The following VPS13C variants were observed in gnomAD, a reference collection of about 807,000 sequenced individuals.
The protein encoded by VPS13C is vacuolar protein sorting 13 homolog C, also known as intermembrane lipid transfer protein VPS13C.
In VPS13C, 358 loss-of-function variants were observed where a neutral mutation model predicts 456.8. The ratio of observed to expected loss-of-function variants is 0.78; its 90% confidence interval spans 0.72 to 0.86. The LOEUF (loss-of-function observed/expected upper bound fraction) is 0.86, where lower values mean the gene tolerates loss of function less well. Ranked by LOEUF, VPS13C falls within the 40% of genes least tolerant of loss-of-function variation. VPS13C has a pLI of 0.00. For synonymous variants in VPS13C, 1,578 were observed against 1,486.7 expected, an observed-to-expected ratio of 1.06 and a Z score of -1.41; for missense variants, 4,818 against 4,385.4, an observed-to-expected ratio of 1.10 and a Z score of -2.79.
intron 2 of VPS13C, among the ~76,000 whole-genome samples, chr15:62,042,544 G>A (rs1596524661): frequency 1.3e-5 from 2 of 151,544 alleles, no homozygotes; most frequent in South Asian, 2.1e-4. Flanking sequence ...AAAAGTCTTT[G>A]CTGCCAATAA....
At chr15:61,883,219 T>G (rs1383188684) in intron 68 of VPS13C, among the ~76,000 whole-genome samples, 1 of 146,942 alleles carries the variant, frequency 6.8e-6, no homozygotes, top group African/African-American at 2.5e-5. Flanking sequence ...TTTTTTTTTG[T>G]AGAGACAAGG....
intron 67 of VPS13C, among the ~76,000 whole-genome samples, chr15:61,884,938 T>C (rs1399518688): frequency 6.6e-6 from 1 of 152,148 alleles, no homozygotes; most frequent in Non-Finnish European, 1.5e-5. Flanking sequence ...CCTTTTAGTA[T>C]ATTAATACAT....
intron 5 of VPS13C, among the ~76,000 whole-genome samples, chr15:62,030,341 T>C (rs924345685): frequency 2.6e-5 from 4 of 152,066 alleles, no homozygotes; most frequent in Non-Finnish European, 5.9e-5. Context: ...TGATTCCCAG[T>C]GTTGGAGGTG....
rs560778934 is a variant in VPS13C at position 61,922,491 on chromosome 15, C to G, written c.6881G>C (p.Arg2294Pro). The part of the protein sequence containing the change: ...QVTLECGLGH[R>P]TVPLLLAESK... ...CTCTGCCAATAATAAAGGTACAGTT[C>G]GATGTCCAAGGCCACATTCTAAGGT... The change falls in exon 54 of 85, where the codon CGA (arginine) becomes CCA (proline). Residue 2294 changes from arginine to proline, a missense_variant. Around this residue, in one of 3 missense-constraint regions of VPS13C, gnomAD observed 4,552 missense variants for 4,130.6 expected, o/e 1.10. Coordinates refer to ENST00000644861, the MANE Select transcript of VPS13C (RefSeq NM_020821.3). The G allele has an allele frequency of 3.1e-6, 5 of 1,613,982 alleles. No homozygotes were observed. The highest frequency in any genetic ancestry group is 4.2e-6 in the Non-Finnish European group (5 of 1,179,960).
rs2043689917 is a variant in VPS13C, at chr15:61,922,444, T to C, written c.6928A>G (p.Lys2310Glu). The C allele has an allele frequency of 1.7e-5, 28 of 1,613,852 alleles. No homozygotes were observed. Among genetic ancestry groups the C allele is most frequent in the Non-Finnish European group, 2.3e-5 (27 of 1,179,904 alleles). ...GCAGCCATTAGAGAAGTCCAATTTT[T>C]AATATTTCCTGAAAACTTAGACTCT... Reference protein sequence around the residue: ...LAESKFSGNIKNWTSLMAAVA... With the variant: ...LAESKFSGNIENWTSLMAAVA... The change falls in exon 54 of 85, where the codon AAA becomes GAA. Residue 2310 changes from lysine (K) to glutamate (E), a missense_variant. Around this residue, in one of 3 missense-constraint regions of VPS13C, gnomAD observed 4,552 missense variants for 4,130.6 expected, o/e 1.10. Transcript: ENST00000644861.
At chr15:62,014,934 C>G (rs978702175) in intron 9 of VPS13C, among the ~76,000 whole-genome samples, 1 of 152,026 alleles carries the variant, frequency 6.6e-6, no homozygotes, top group Admixed American at 6.6e-5. Flanking sequence ...AGTAGAATCA[C>G]CAGGCAGAAA....
At chr15:62,046,357 AGC>A (rs2048402406) in intron 1 of VPS13C, among the ~76,000 whole-genome samples, 4 of 152,214 alleles carry the variant, frequency 2.6e-5, no homozygotes, top group Non-Finnish European at 5.9e-5. Context: ...ATGGAAGACT[AGC>A]ATGTTCAGCA....
chr15:61,980,287 T>A (rs954676299), intron 22 of VPS13C, among the ~76,000 whole-genome samples: 1 of 149,198 alleles, frequency 6.7e-6, no homozygotes, highest in Non-Finnish European at 1.5e-5. Flanking sequence ...ATGGTTACCA[T>A]GATGTCAAAA....
chr15:61,994,035 G>A lies in VPS13C; in HGVS notation c.1354-2233C>T, dbSNP rs572267770. ...CCTAAGATGAAGACGGATGCAGAGC[G>A]CTTTCCCTTTCCCTCAATTACCCCC... On this transcript the variant is annotated intron_variant, in intron 16 of 84. Coordinates refer to ENST00000644861, the MANE Select transcript of VPS13C (RefSeq NM_020821.3). 4.6e-5 allele frequency among the ~76,000 whole-genome samples: 7 copies of A among 152,164 alleles called. No homozygotes were observed. In the South Asian group the frequency reaches 1.2e-3, roughly 27 times the overall value.
At chr15:61,924,239 C>A (rs2043766814) in intron 53 of VPS13C, among the ~76,000 whole-genome samples, 1 of 152,100 alleles carries the variant, frequency 6.6e-6, no homozygotes, top group Non-Finnish European at 1.5e-5. Flanking sequence ...CTGGATAAAC[C>A]TTTCCATGCT....
chr15:61,883,534 G>C (rs767662186), intron 68 of VPS13C, among the ~76,000 whole-genome samples: 8 of 152,138 alleles, frequency 5.3e-5, no homozygotes, highest in Non-Finnish European at 8.8e-5. Flanking sequence ...GATTAAACTA[G>C]AGCAAGCTGG....
intron 66 of VPS13C, among the ~76,000 whole-genome samples, chr15:61,903,023 A>G (rs958087394): frequency 1.3e-5 from 2 of 152,084 alleles, no homozygotes; most frequent in Non-Finnish European, 2.9e-5. Flanking sequence ...AGGACGCAAA[A>G]TCAATATATT....
Position 61,936,725 on chromosome 15 carries a change from G to C in VPS13C, c.5627C>G (p.Thr1876Arg). The C allele has an allele frequency of 1.2e-6, 2 of 1,612,664 alleles. No homozygotes were observed. The highest frequency in any genetic ancestry group is 1.7e-6 in the Non-Finnish European group (2 of 1,179,446). ...TTCTAGCAAAATTTTCATTAAAACTGTCAAGTCATCTTCACTGAGAGCAAC... is the reference window on the plus strand; with the variant it reads ...TTCTAGCAAAATTTTCATTAAAACTCTCAAGTCATCTTCACTGAGAGCAAC... ...MQVALSEDDL[T>R]VLMKILLENL... is the part of the protein sequence containing the mutation. The change falls in exon 48 of 85, where the codon ACA (threonine) becomes AGA (arginine). Residue 1876 changes from threonine to arginine, a missense_variant. Transcript: ENST00000644861.
intron 15 of VPS13C, among the ~76,000 whole-genome samples, chr15:62,005,863 C>T (rs1258060960): frequency 6.6e-6 from 1 of 151,542 alleles, no homozygotes; most frequent in African/African-American, 2.4e-5. Flanking sequence ...CCACCACGCC[C>T]AGCTAATTTT....
intron 64 of VPS13C, among the ~76,000 whole-genome samples, chr15:61,909,799 C>T (rs1251997465): frequency 1.3e-5 from 2 of 152,082 alleles, no homozygotes; most frequent in Non-Finnish European, 2.9e-5. Context: ...CATTGTTGCA[C>T]ATTTGAGTTG....
chr15:61,965,799 C>T lies in VPS13C; in HGVS notation c.3051+284G>A, dbSNP rs544858856. Among the ~76,000 whole-genome samples the T allele has an allele frequency of 7.9e-5, 12 of 151,878 alleles. No homozygotes were observed. In the South Asian group the frequency reaches 2.5e-3, roughly 32 times the overall value. The stretch of plus-strand genomic sequence containing the variant: ...GTATCTAGTTTGGCTAGTTTAGAAA[C>T]CTTTTAGTTCTTTGTACATCAAAGT... On this transcript the variant is annotated intron_variant, in intron 30 of 84. Coordinates refer to ENST00000644861, the MANE Select transcript of VPS13C (RefSeq NM_020821.3).
chr15:61,924,548 T>A (rs2043781027), intron 53 of VPS13C, among the ~76,000 whole-genome samples: 1 of 152,194 alleles, frequency 6.6e-6, no homozygotes, highest in African/African-American at 2.4e-5. Flanking sequence ...ACACAAAGAA[T>A]GTAAAGTCTC....
intron 38 of VPS13C, among the ~76,000 whole-genome samples, chr15:61,952,261 C>A (rs1228710866): frequency 6.6e-6 from 1 of 152,152 alleles, no homozygotes; most frequent in African/African-American, 2.4e-5. Flanking sequence ...GCTGGTAATT[C>A]TTTGTGGTGG....
chr15:61,980,232 A>G (rs963985660), intron 22 of VPS13C, among the ~76,000 whole-genome samples: 2 of 147,228 alleles, frequency 1.4e-5, no homozygotes, highest in African/African-American at 2.5e-5. Context: ...GAGATGAAAC[A>G]TGGCTTTCCC....
Sources: gnomAD v4.1 joint callset for allele counts (sites outside exome capture counted in the v4.1 genomes callset) on GRCh38, gnomAD v4.1.1 for gene constraint, gnomAD v4.1.1 regional missense constraint, MANE v1.5 for transcripts, NCBI Gene and HGNC (gene_info 2026-07-23, HGNC 2026-07-21) for gene names.